Variants in GABRG3 observed in about 807,000 individuals in gnomAD.
The protein encoded by GABRG3 is gamma-aminobutyric acid type A receptor subunit gamma3, also known as gamma-aminobutyric acid receptor subunit gamma-3.
In GABRG3, 25 loss-of-function variants were observed where a neutral mutation model predicts 48.8. The observed-to-expected ratio is 0.51, with a 90% CI of 0.37 to 0.72. The LOEUF is 0.72. Ranked by LOEUF, GABRG3 falls within the 30% of genes least tolerant of loss-of-function variation. The pLI is 0.00. For synonymous variants in GABRG3, 227 were observed against 217.6 expected, an observed-to-expected ratio of 1.04 and a Z score of -0.38; for missense variants, 394 against 577.9, an observed-to-expected ratio of 0.68 and a Z score of 3.26.
intron 3 of GABRG3, among the ~76,000 whole-genome samples, chr15:27,093,415 C>CT (rs1897224612): frequency 6.6e-6 from 1 of 152,134 alleles, no homozygotes; most frequent in African/African-American, 2.4e-5. Context: ...CTGGTGCTCT[C>CT]TGAGAGTCAG....
chr15:27,304,631 A>G (rs1355914519), intron 3 of GABRG3, among the ~76,000 whole-genome samples: 1 of 151,876 alleles, frequency 6.6e-6, no homozygotes, highest in East Asian at 1.9e-4. Context: ...CTCTGCTTTC[A>G]TTGTAAAATC....
At chr15:26,979,045 G>A (rs886529428) in intron 2 of GABRG3, among the ~76,000 whole-genome samples, 1 of 152,136 alleles carries the variant, frequency 6.6e-6, no homozygotes, top group Non-Finnish European at 1.5e-5. Flanking sequence ...TGTCCTGAAT[G>A]TATTTTGTTA....
chr15:27,041,331 CA>C (rs1355141103), intron 3 of GABRG3, among the ~76,000 whole-genome samples: 4 of 152,108 alleles, frequency 2.6e-5, no homozygotes, highest in African/African-American at 9.7e-5. Flanking sequence ...CACAGGCACA[CA>C]CCACCATTCT....
At chr15:27,408,760 T>C (rs1887711954) in intron 5 of GABRG3, among the ~76,000 whole-genome samples, 1 of 152,116 alleles carries the variant, frequency 6.6e-6, no homozygotes. Flanking sequence ...ACTAAGTCTG[T>C]TTGCCTGCAC....
chr15:27,358,442 T>G (rs1268476360), intron 5 of GABRG3, among the ~76,000 whole-genome samples: 1 of 151,954 alleles, frequency 6.6e-6, no homozygotes, highest in East Asian at 1.9e-4. Flanking sequence ...CCTATGCAAA[T>G]GCTGCTGAGT....
chr15:27,123,293 AATTAGTAT>A (rs1384165628), intron 3 of GABRG3, among the ~76,000 whole-genome samples: 1 of 152,090 alleles, frequency 6.6e-6, no homozygotes, highest in Non-Finnish European at 1.5e-5. Flanking sequence ...GTCCCTGCAA[AATTAGTAT>A]ATAGAAACGT....
In GABRG3 at chr15:27,532,872, G is replaced by A. The variant is rs746407676; in HGVS notation, c.1395G>A (p.Leu465=). Residue 465 remains leucine, a synonymous_variant, in exon 10 of 10, where the codon CTG becomes CTA. Transcript: ENST00000615808. ...LFNLVYWVGY[L]YL is the part of the protein sequence containing the mutation. The stretch of plus-strand genomic sequence containing the variant: ...ACCTGGTCTACTGGGTTGGATACCT[G>A]TATCTCTAAGTGTTGCTCAGAGTGA... 9 of 1,613,618 alleles carry A rather than the reference G, an allele frequency of 5.6e-6. No individual in the cohort carries two copies. The highest frequency in any genetic ancestry group is 7.6e-6 in the Non-Finnish European group (9 of 1,179,806).
chr15:27,128,188 C>T (rs1009188207), intron 3 of GABRG3, among the ~76,000 whole-genome samples: 4 of 152,078 alleles, frequency 2.6e-5, no homozygotes, highest in Non-Finnish European at 5.9e-5. Context: ...ATAGTGAGAC[C>T]CTGTCTCTAC....
intron 3 of GABRG3, among the ~76,000 whole-genome samples, chr15:27,092,316 TTG>T (rs1442327342): frequency 1.3e-5 from 2 of 152,168 alleles, no homozygotes; most frequent in African/African-American, 4.8e-5. Flanking sequence ...GAATGCTTCT[TTG>T]TGTGTGTGCA....
intron 2 of GABRG3, among the ~76,000 whole-genome samples, chr15:27,025,868 A>G (rs1452663975): frequency 1.3e-5 from 2 of 152,210 alleles, no homozygotes; most frequent in Admixed American, 1.3e-4. Flanking sequence ...ATTTTCTGGA[A>G]TTGGCTCTGC....
intron 9 of GABRG3, among the ~76,000 whole-genome samples, chr15:27,528,495 G>T (rs1211651544): frequency 2.0e-5 from 3 of 152,100 alleles, no homozygotes; most frequent in South Asian, 2.1e-4. Context: ...CTACCAATTT[G>T]TATATACCTG....
intron 3 of GABRG3, among the ~76,000 whole-genome samples, chr15:27,128,047 G>T (rs1897851875): frequency 1.3e-5 from 2 of 152,174 alleles, no homozygotes; most frequent in South Asian, 4.1e-4. Flanking sequence ...GACATATAAA[G>T]GGAAACCTTT....
chr15:27,087,711 ATGTG>A lies in GABRG3; in HGVS notation c.270+60895_270+60898del, dbSNP rs1273554244. 2.0e-5 allele frequency among the ~76,000 whole-genome samples: 3 copies of A among 151,328 alleles called. No individual in the cohort carries two copies. In the East Asian group the frequency reaches 5.9e-4, roughly 30 times the overall value. On this transcript the variant is annotated intron_variant, in intron 3 of 9. Transcript: ENST00000615808. ...TGTATGAGTGGGGGTGTGTACATGT[ATGTG>A]TGTGGTATGTACATGTACTTGTGTG...
intron 3 of GABRG3, among the ~76,000 whole-genome samples, chr15:27,037,575 T>C (rs1232818981): frequency 2.0e-5 from 3 of 152,154 alleles, no homozygotes; most frequent in Admixed American, 1.3e-4. Flanking sequence ...TTTCTGCAGC[T>C]GCAGGCATAT....
chr15:27,356,138 T>A (rs180893350), intron 5 of GABRG3, among the ~76,000 whole-genome samples: 1 of 152,308 alleles, frequency 6.6e-6, no homozygotes, highest in Admixed American at 6.5e-5. Flanking sequence ...GTATCAGTGA[T>A]TCAGAAAGTG....
intron 5 of GABRG3, among the ~76,000 whole-genome samples, chr15:27,466,698 G>A (rs1036650228): frequency 6.6e-5 from 10 of 152,164 alleles, no homozygotes; most frequent in Admixed American, 1.3e-4. Flanking sequence ...CTCTTAAACC[G>A]TTGTATCCTA....
rs569470557 is a variant in GABRG3, at chr15:27,308,421, A to G, written c.271-18388A>G. On this transcript the variant is annotated intron_variant, in intron 3 of 9. Coordinates refer to ENST00000615808, the MANE Select transcript of GABRG3 (RefSeq NM_033223.5). ...TAATATAAACATATATAAACATGTA[A>G]TGTAAACATACCTGTTTATATAAAC... Among the ~76,000 whole-genome samples the G allele has an allele frequency of 7.5e-3, 1,101 of 146,096 alleles. 19 individuals carry two copies. The highest frequency in any genetic ancestry group is 0.026 in the African/African-American group (1,066 of 40,354).
Position 27,510,895 on chromosome 15 carries a change from TTAAA to T in GABRG3, c.713-9074_713-9071del, listed in dbSNP as rs553695473. ...TTTTTGTTTCAAAATATGTAATACTTTAAATATTTTTTTCTTGCAGTGGTCATAA... is the reference window on the plus strand; with the variant it reads ...TTTTTGTTTCAAAATATGTAATACTTTATTTTTTTCTTGCAGTGGTCATAA... On this transcript the variant is annotated intron_variant, in intron 6 of 9. Coordinates refer to ENST00000615808, the MANE Select transcript of GABRG3 (RefSeq NM_033223.5). Among the ~76,000 whole-genome samples, 407 of 151,338 alleles carry T rather than the reference TTAAA, an allele frequency of 2.7e-3. 3 individuals carry two copies. The highest frequency in any genetic ancestry group is 9.8e-3 in the African/African-American group (398 of 40,806).
rs745907911 is a variant in GABRG3, at chr15:26,975,731, C to T, written c.54-1271C>T. 1.3e-5 allele frequency among the ~76,000 whole-genome samples: 2 copies of T among 152,132 alleles called. No homozygotes were observed. The highest frequency in any genetic ancestry group is 2.9e-5 in the Non-Finnish European group (2 of 68,038). Reference sequence around the variant, plus strand: ...AAAATTAAGTTCCAGAAACTTATATCCCAGAGCACAAGTGTCCTGACATGA... The same window carrying T: ...AAAATTAAGTTCCAGAAACTTATATTCCAGAGCACAAGTGTCCTGACATGA... On this transcript the variant is annotated intron_variant, in intron 1 of 9. Coordinates refer to ENST00000615808, the MANE Select transcript of GABRG3 (RefSeq NM_033223.5). This position sits in a 1 kb window ranked among gnomAD's most constrained non-coding sequence, Gnocchi z 4.6.
Sources: gnomAD v4.1 joint callset for allele counts (sites outside exome capture counted in the v4.1 genomes callset) on GRCh38, gnomAD v4.1.1 for gene constraint, Gnocchi (gnomAD v3.1) non-coding constraint, MANE v1.5 for transcripts, NCBI Gene and HGNC (gene_info 2026-07-23, HGNC 2026-07-21) for gene names.